ESRRB: variants seen among roughly 807,000 people sequenced by gnomAD.
The protein encoded by ESRRB is estrogen related receptor beta, also known as steroid hormone receptor ERR2.
In ESRRB, 16 loss-of-function variants were observed where a neutral mutation model predicts 46.0. That is an observed-to-expected ratio of 0.35 (90% CI 0.24 to 0.53). The LOEUF is 0.53. ESRRB is among the 20% of genes least tolerant of loss of function. ESRRB has a pLI of 0.93. For synonymous variants in ESRRB, 246 were observed against 259.6 expected, an observed-to-expected ratio of 0.95 and a Z score of 0.50; for missense variants, 488 against 607.4, an observed-to-expected ratio of 0.80 and a Z score of 2.07.
At chr14:76,418,701 C>T (rs569168516) in intron 1 of ESRRB, among the ~76,000 whole-genome samples, 1 of 151,682 alleles carries the variant, frequency 6.6e-6, no homozygotes, top group Non-Finnish European at 1.5e-5. Flanking sequence ...TATAACCTCC[C>T]ACCTCCTGGG....
exon 1 of ESRRB, chr14:76,310,788 G>A (rs574383187): frequency 4.7e-5 from 21 of 445,414 alleles, no homozygotes; most frequent in South Asian, 2.3e-4. Flanking sequence ...GTCACAAAGA[G>A]ACACAGACAG....
rs547782786 is a variant in ESRRB, at chr14:76,339,941, G to A, written c.2+29025G>A. ...TGAGTGCACAGAGGAGGGAGAGGCC[G>A]GGACACATCCATCCGGGTGGGATTT... On this transcript the variant is annotated intron_variant, in intron 1 of 6. Coordinates refer to the ESRRB transcript ENST00000512784. Among the ~76,000 whole-genome samples, 285 of 152,212 alleles carry A rather than the reference G, an allele frequency of 1.9e-3. 2 individuals are homozygous for A. The highest frequency in any genetic ancestry group is 5.9e-3 in the African/African-American group (243 of 41,526).
chr14:76,316,838 G>A (rs973384907), intron 1 of ESRRB, among the ~76,000 whole-genome samples: 1 of 152,134 alleles, frequency 6.6e-6, no homozygotes, highest in Non-Finnish European at 1.5e-5. Context: ...TGTCTAAGTC[G>A]ATGTCAAATT....
chr14:76,407,659 T>C, intron 1 of ESRRB: 1 of 921,952 alleles, frequency 1.1e-6, no homozygotes, highest in Non-Finnish European at 1.3e-6. Flanking sequence ...TCCAAAACCC[T>C]CGTGGCTGAG....
intron 1 of ESRRB, among the ~76,000 whole-genome samples, chr14:76,425,996 C>G (rs982300168): frequency 1.3e-5 from 2 of 152,228 alleles, no homozygotes; most frequent in Admixed American, 6.5e-5. Flanking sequence ...TGCATTGATA[C>G]TATTTGGCTG....
upstream of ESRRB, among the ~76,000 whole-genome samples, chr14:76,367,572 A>AT (rs1884538244): frequency 6.6e-6 from 1 of 151,708 alleles, no homozygotes; most frequent in Non-Finnish European, 1.5e-5. Flanking sequence ...AAAAAAAAAA[A>AT]ATCACGCCAC....
intron 1 of ESRRB, among the ~76,000 whole-genome samples, chr14:76,318,255 G>A (rs1883825471): frequency 6.6e-6 from 1 of 152,182 alleles, no homozygotes; most frequent in Admixed American, 6.5e-5. Flanking sequence ...AGAGTTGGAA[G>A]CGAGGAGCAC....
intron 2 of ESRRB, among the ~76,000 whole-genome samples, chr14:76,461,234 A>G (rs1410674833): frequency 6.6e-6 from 1 of 152,202 alleles, no homozygotes; most frequent in East Asian, 1.9e-4. Flanking sequence ...TTCACACTGC[A>G]TAGAAACACT....
At chr14:76,343,137 G>T (rs139958363) in intron 1 of ESRRB, among the ~76,000 whole-genome samples, 7 of 152,302 alleles carry the variant, frequency 4.6e-5, no homozygotes, top group Admixed American at 2.6e-4. Context: ...AGGAACAGTG[G>T]ATACAAAAGT....
Position 76,453,597 on chromosome 14 carries a change from C to CTTTT in ESRRB, c.461-8933_461-8930dup, listed in dbSNP as rs796736002. Among the ~76,000 whole-genome samples, 497 of 134,306 alleles carry CTTTT rather than the reference C, an allele frequency of 3.7e-3. 13 individuals carry two copies. The highest frequency in any genetic ancestry group is 0.014 in the African/African-American group (482 of 35,378). 88.1% of individuals were successfully genotyped at this position (134,306 alleles called of 152,430 possible). A position where few individuals can be genotyped will look rare whatever the true frequency, so the allele number is the denominator to read the frequency against. ...ATCAAATCAAATCTGAAAAAAAGCTCTTTTTTTTTTTTTTTTTTGAGACTG... is the reference window on the plus strand; with the variant it reads ...ATCAAATCAAATCTGAAAAAAAGCTCTTTTTTTTTTTTTTTTTTTTTTGAGACTG... On this transcript the variant is annotated intron_variant, in intron 2 of 6. Transcript: ENST00000644823.
rs867428187 is a variant in ESRRB, at chr14:76,490,598, C to T, written c.851-849C>T. On this transcript the variant is annotated intron_variant, in intron 5 of 6. Transcript: ENST00000644823. Reference sequence around the variant, plus strand: ...ACAAGTTCAGCCTACAGCTAGTAAGCGGGAGTCAGGGTTCAACCCAGGCAA... The same window carrying T: ...ACAAGTTCAGCCTACAGCTAGTAAGTGGGAGTCAGGGTTCAACCCAGGCAA... Among the ~76,000 whole-genome samples, 7 of 152,172 alleles carry T rather than the reference C, an allele frequency of 4.6e-5. No homozygotes were observed. In the South Asian group the frequency reaches 8.3e-4, roughly 18 times the overall value.
intron 1 of ESRRB, among the ~76,000 whole-genome samples, chr14:76,323,624 A>C (rs1028515894): frequency 6.6e-6 from 1 of 152,118 alleles, no homozygotes; most frequent in Non-Finnish European, 1.5e-5. Flanking sequence ...CTTTCTTTTC[A>C]TAAGGAGCCC....
chr14:76,423,522 G>T (rs1196072320), intron 1 of ESRRB, among the ~76,000 whole-genome samples: 5 of 152,054 alleles, frequency 3.3e-5, no homozygotes, highest in African/African-American at 1.2e-4. Context: ...AACTTTTGTG[G>T]GCTCCACTGG....
chr14:76,472,206 A>G (rs1889399218), intron 3 of ESRRB, among the ~76,000 whole-genome samples: 1 of 152,222 alleles, frequency 6.6e-6, no homozygotes, highest in Non-Finnish European at 1.5e-5. Context: ...CTGGGCTGAA[A>G]TAACTTCTCT....
intron 1 of ESRRB, among the ~76,000 whole-genome samples, chr14:76,393,967 A>ATTTTTTTTTTTTTTTTTTTT (rs71122531): frequency 3.9e-5 from 5 of 126,986 alleles, no homozygotes; most frequent in Admixed American, 8.2e-5. Context: ...TGCCTGGCTA[A>ATTTTTTTTTTTTTTTTTTTT]TTTTTTTTTT....
chr14:76,444,056 G>A (rs1888029588), intron 2 of ESRRB, among the ~76,000 whole-genome samples: 1 of 151,930 alleles, frequency 6.6e-6, no homozygotes, highest in Non-Finnish European at 1.5e-5. Context: ...CAAAGATTTA[G>A]GTTTTGTTGT....
At chr14:76,480,851 C>G (rs575235782) in intron 3 of ESRRB, among the ~76,000 whole-genome samples, 6 of 152,344 alleles carry the variant, frequency 3.9e-5, no homozygotes, top group Admixed American at 1.3e-4. Context: ...GAAGTTGAAC[C>G]TGGCCTGTCG....
chr14:76,381,962 G>C (rs558734776), intron 1 of ESRRB, among the ~76,000 whole-genome samples: 1 of 152,248 alleles, frequency 6.6e-6, no homozygotes, highest in Non-Finnish European at 1.5e-5. Context: ...TCTCTAAGGT[G>C]CCCTTCTGTA....
At chr14:76,456,390 T>C (rs1888615935) in intron 2 of ESRRB, among the ~76,000 whole-genome samples, 1 of 152,118 alleles carries the variant, frequency 6.6e-6, no homozygotes, top group Admixed American at 6.5e-5. Flanking sequence ...AGTTATTAAC[T>C]GACCTCCAGG....
Sources: gnomAD v4.1 joint callset for allele counts (sites outside exome capture counted in the v4.1 genomes callset) on GRCh38, gnomAD v4.1.1 for gene constraint, MANE v1.5 for transcripts, NCBI Gene and HGNC (gene_info 2026-07-23, HGNC 2026-07-21) for gene names.